Variants in KLF8 observed in about 807,000 individuals in gnomAD.
KLF8 encodes KLF transcription factor 8.
Under a neutral mutation model 18.2 loss-of-function variants are expected in KLF8, and 10 were observed. That is an observed-to-expected ratio of 0.55 (90% CI 0.34 to 0.93). KLF8 has a LOEUF of 0.93. KLF8 is among the 40% of genes least tolerant of loss of function. The pLI is 0.02. For synonymous variants in KLF8, 109 were observed against 97.3 expected, an observed-to-expected ratio of 1.12 and a Z score of -0.71; for missense variants, 264 against 277.9, an observed-to-expected ratio of 0.95 and a Z score of 0.36.
the KLF8 span, among the ~76,000 whole-genome samples, chrX:56,048,647 A>G: frequency 1.8e-5 from 2 of 111,954 alleles, no homozygotes; most frequent in Non-Finnish European, 3.8e-5. Flanking sequence ...TGGTACCAGT[A>G]CCACGCTGTT....
At chrX:56,134,737 T>C in the KLF8 span, among the ~76,000 whole-genome samples, 1 of 108,676 alleles carries the variant, frequency 9.2e-6, no homozygotes, top group Non-Finnish European at 1.9e-5. Flanking sequence ...TGGGAGAAAA[T>C]CTTCACAATT....
the KLF8 span, among the ~76,000 whole-genome samples, chrX:56,142,700 C>T: frequency 8.9e-6 from 1 of 111,911 alleles, no homozygotes; most frequent in Non-Finnish European, 1.9e-5. Context: ...CCCTTTATCA[C>T]CAAACCTACT....
intron 2 of KLF8, among the ~76,000 whole-genome samples, chrX:56,259,303 C>T (rs2066851150): frequency 9.0e-6 from 1 of 111,219 alleles, no homozygotes; most frequent in Non-Finnish European, 1.9e-5. Flanking sequence ...CATTGTCCTA[C>T]ATAACTACAT....
At chrX:56,168,514 T>C in the KLF8 span, among the ~76,000 whole-genome samples, 7 of 112,359 alleles carry the variant, frequency 6.2e-5, no homozygotes, top group Non-Finnish European at 1.1e-4. Flanking sequence ...TTTTTATTAT[T>C]ATACTTTAAG....
the KLF8 span, among the ~76,000 whole-genome samples, chrX:56,132,051 T>C: frequency 9.0e-6 from 1 of 111,555 alleles, no homozygotes; most frequent in African/African-American, 3.3e-5. Flanking sequence ...GGGACTTCAA[T>C]ACTCTACTGA....
At chrX:56,259,797 A>G (rs1344092129) in intron 2 of KLF8, among the ~76,000 whole-genome samples, 1 of 111,029 alleles carries the variant, frequency 9.0e-6, no homozygotes, top group Non-Finnish European at 1.9e-5. Context: ...AAAATTATTT[A>G]AATAAATAAA....
At chrX:55,995,211 A>G in the KLF8 span, among the ~76,000 whole-genome samples, 1 of 112,179 alleles carries the variant, frequency 8.9e-6, no homozygotes, top group African/African-American at 3.2e-5. Context: ...GTTTGAAATA[A>G]GAATAGCAAT....
the KLF8 span, among the ~76,000 whole-genome samples, chrX:56,145,193 C>T: frequency 9.0e-6 from 1 of 111,712 alleles, no homozygotes; most frequent in Admixed American, 9.5e-5. Context: ...CAAAGATATG[C>T]AAATGGCCAA....
At chrX:56,130,161 A>C in the KLF8 span, among the ~76,000 whole-genome samples, 2 of 111,262 alleles carry the variant, frequency 1.8e-5, no homozygotes, top group African/African-American at 6.5e-5. Flanking sequence ...ACCACAGCTA[A>C]TGGTCTCTTG....
At chrX:56,207,479 A>G in the KLF8 span, among the ~76,000 whole-genome samples, 1 of 111,829 alleles carries the variant, frequency 8.9e-6, no homozygotes, top group African/African-American at 3.2e-5. Context: ...AATTTCTACT[A>G]CCAGATGCCC....
chrX:56,153,211 G>A, the KLF8 span, among the ~76,000 whole-genome samples: 7 of 110,588 alleles, frequency 6.3e-5, no homozygotes, highest in African/African-American at 2.0e-4. Flanking sequence ...TAAGAGTAAC[G>A]TTACCTGGGC....
chrX:56,192,439 G>A, the KLF8 span, among the ~76,000 whole-genome samples: 6 of 111,189 alleles, frequency 5.4e-5, no homozygotes, highest in East Asian at 5.6e-4. Context: ...AACACTAATG[G>A]CACTCTTTAG....
the KLF8 span, among the ~76,000 whole-genome samples, chrX:55,921,749 A>T: frequency 8.9e-6 from 1 of 112,153 alleles, no homozygotes; most frequent in African/African-American, 3.2e-5. Context: ...AGAATCTATA[A>T]GGAATTTAAA....
At chrX:55,979,774 A>T in the KLF8 span, among the ~76,000 whole-genome samples, 1 of 111,324 alleles carries the variant, frequency 9.0e-6, no homozygotes, top group Non-Finnish European at 1.9e-5. Context: ...TAGTTTTGAG[A>T]GACGTTTTGA....
At chrX:56,143,299 A>G in the KLF8 span, among the ~76,000 whole-genome samples, 19 of 112,098 alleles carry the variant, frequency 1.7e-4, no homozygotes, top group Non-Finnish European at 3.4e-4. Flanking sequence ...CTCTGCTTAA[A>G]TGCTACTTTC....
chrX:56,150,220 A>G, the KLF8 span, among the ~76,000 whole-genome samples: 3 of 111,525 alleles, frequency 2.7e-5, no homozygotes, highest in Admixed American at 2.9e-4. Context: ...AAGGAGAAGG[A>G]GATAGAGCCT....
At chrX:55,985,870 G>T in the KLF8 span, among the ~76,000 whole-genome samples, 1 of 110,264 alleles carries the variant, frequency 9.1e-6, no homozygotes. Flanking sequence ...TTTATTCCTG[G>T]GTATTATATT....
the KLF8 span, among the ~76,000 whole-genome samples, chrX:56,157,402 A>C: frequency 9.1e-6 from 1 of 109,534 alleles, no homozygotes; most frequent in Non-Finnish European, 1.9e-5. Context: ...AAATTAAAAA[A>C]AAAGATATGG....
At position 56,233,294 on chromosome X, in the gene KLF8, G is replaced by C. The variant is rs920417715; in HGVS notation, c.-41G>C. 11 of 1,207,211 alleles carry C rather than the reference G, an allele frequency of 9.1e-6. No homozygotes were observed. Among genetic ancestry groups the C allele is most frequent in the African/African-American group, 1.7e-5 (1 of 57,548 alleles). The stretch of plus-strand genomic sequence containing the variant: ...CAGGAGTATGAGCCTCCCGGAGGAC[G>C]GCATGAGTTCTGGACACTTCAGGAG... On this transcript the variant is annotated 5_prime_UTR_variant, in exon 1 of 6. Transcript: ENST00000468660.
Sources: gnomAD v4.1 joint callset for allele counts (sites outside exome capture counted in the v4.1 genomes callset) on GRCh38, gnomAD v4.1.1 for gene constraint, MANE v1.5 for transcripts, NCBI Gene and HGNC (gene_info 2026-07-23, HGNC 2026-07-21) for gene names.